Variants in ERN1 observed in about 807,000 individuals in gnomAD.
ERN1 encodes the protein endoplasmic reticulum to nucleus signaling 1.
In ERN1, 39 loss-of-function variants were observed where a neutral mutation model predicts 113.1. The observed-to-expected ratio is 0.34, with a 90% confidence interval of 0.27 to 0.45. ERN1 has a LOEUF of 0.45. Among genes scored for constraint, ERN1 ranks in the 20% least tolerant of loss-of-function variants. ERN1 has a pLI of 1.00. For missense variants in ERN1, 976 were observed against 1,274.8 expected, an observed-to-expected ratio of 0.77 and a Z score of 3.57; for synonymous variants, 507 against 515.9, an observed-to-expected ratio of 0.98 and a Z score of 0.23.
chr17:64,062,235 C>G (rs565219469), intron 10 of ERN1, among the ~76,000 whole-genome samples: 5 of 152,390 alleles, frequency 3.3e-5, no homozygotes, highest in African/African-American at 1.2e-4. Flanking sequence ...GCCGAAAGCA[C>G]CCAAGGTCAG....
In ERN1 at chr17:64,087,324, C is replaced by T. The variant is rs368654886; in HGVS notation, c.176-6516G>A. 2.0e-5 allele frequency among the ~76,000 whole-genome samples: 3 copies of T among 152,210 alleles called. No individual in the cohort carries two copies. The East Asian group carries it at 5.8e-4, about 29-fold the overall frequency. ...TGATCAAAACCAACACTTGCAAATC[C>T]TCCGCATGGCATCTGAGGATGTTCT... On this transcript the variant is annotated intron_variant, in intron 2 of 21. Transcript: ENST00000433197.
chr17:64,053,369 A>G lies in ERN1; in HGVS notation c.1956T>C (p.Tyr652=), dbSNP rs775854687. The G allele has an allele frequency of 1.2e-6, 2 of 1,602,556 alleles. No homozygotes were observed. Among genetic ancestry groups the G allele is most frequent in the South Asian group, 1.1e-5 (1 of 89,834 alleles). Residue 652 remains tyrosine (Y), a splice_region_variant and synonymous_variant, in exon 16 of 22, where the codon TAT becomes TAC. Coordinates refer to ENST00000433197, the MANE Select transcript of ERN1 (RefSeq NM_001433.5). Reference sequence around the variant, plus strand: ...GATGCGCAAAGTCCTTCTGCTCCACATACTGCAAAAGACATGACAGCAAGG... The same window carrying G: ...GATGCGCAAAGTCCTTCTGCTCCACGTACTGCAAAAGACATGACAGCAAGG... ...IELCAATLQE[Y]VEQKDFAHLG... is the part of the protein sequence containing the mutation.
chr17:64,057,522 C>A (rs1912911093), intron 12 of ERN1, among the ~76,000 whole-genome samples: 1 of 152,184 alleles, frequency 6.6e-6, no homozygotes, highest in Non-Finnish European at 1.5e-5. Flanking sequence ...GCCCCTGCCA[C>A]CATGCCCGGC....
At chr17:64,107,674 A>G (rs1321812009) in intron 1 of ERN1, among the ~76,000 whole-genome samples, 3 of 152,154 alleles carry the variant, frequency 2.0e-5, no homozygotes, top group African/African-American at 7.2e-5. Flanking sequence ...TCATTTACAC[A>G]TACTGCAGCA....
chr17:64,081,303 G>T (rs772217918), intron 2 of ERN1, among the ~76,000 whole-genome samples: 18 of 152,114 alleles, frequency 1.2e-4, no homozygotes, highest in Non-Finnish European at 1.8e-4. Context: ...TCTTTGGAGC[G>T]GCAATTCTAG....
At chr17:64,073,544 T>G (rs1913495471) in intron 5 of ERN1, among the ~76,000 whole-genome samples, 2 of 151,680 alleles carry the variant, frequency 1.3e-5, no homozygotes, top group Non-Finnish European at 2.9e-5. Context: ...CAGGCTGGAG[T>G]GCAGTGGTGC....
At position 64,066,670 on chromosome 17, in the gene ERN1, C is replaced by T. The variant is rs1374944834; in HGVS notation, c.842+1G>A. On this transcript the variant is annotated splice_donor_variant, in intron 8 of 21. Transcript: ENST00000433197. LOFTEE classifies it high-confidence loss of function. ...TCTCCTTCCCCGAGCTCCCAACTCACGTCAGCTTGCTCTTGGCCTCTGTCT... is the reference window on the plus strand; with the variant it reads ...TCTCCTTCCCCGAGCTCCCAACTCATGTCAGCTTGCTCTTGGCCTCTGTCT... 8.1e-6 allele frequency: 13 copies of T among 1,613,674 alleles called. No homozygotes were observed. Among genetic ancestry groups the T allele is most frequent in the Admixed American group, 3.3e-5 (2 of 60,018 alleles).
intron 1 of ERN1, among the ~76,000 whole-genome samples, chr17:64,125,384 C>G (rs973919457): frequency 6.6e-6 from 1 of 152,176 alleles, no homozygotes; most frequent in African/African-American, 2.4e-5. Context: ...ATGGCCACAG[C>G]AAGATGACTG....
At chr17:64,117,249 C>A (rs192642885) in intron 1 of ERN1, among the ~76,000 whole-genome samples, 1 of 152,060 alleles carries the variant, frequency 6.6e-6, no homozygotes, top group Non-Finnish European at 1.5e-5. Flanking sequence ...TTGAGACTCA[C>A]CTGGGCAACA....
rs565472128 is a variant in ERN1, at chr17:64,103,134, A to G, written c.55-4893T>C. On this transcript the variant is annotated intron_variant, in intron 1 of 21. Coordinates refer to ENST00000433197, the MANE Select transcript of ERN1 (RefSeq NM_001433.5). ...CAGCCCTACTCAGCTGGACTGCAGC[A>G]AGTCTCCCTCCTATGAAAGCCAACA... Among the ~76,000 whole-genome samples the G allele has an allele frequency of 6.6e-5, 10 of 152,240 alleles. No individual in the cohort carries two copies. In the South Asian group the frequency reaches 2.1e-3, roughly 32 times the overall value.
chr17:64,043,835 C>A lies in ERN1; in HGVS notation c.*153G>T. 1 of 597,824 alleles carries A rather than the reference C, an allele frequency of 1.7e-6. No individual in the cohort carries two copies. The allele number at this position is 597,824 out of a possible 1,614,324, so 37.0% of individuals were successfully genotyped here. On this transcript the variant is annotated 3_prime_UTR_variant, in exon 22 of 22. Transcript: ENST00000433197. ...CACTTCTCCCACTTCCTGGGGTCAG[C>A]ACTGTCCTCTGTGGGCTGCAGAGCA...
In ERN1 at chr17:64,056,644, G is replaced by C. The variant is rs59064957; in HGVS notation, c.1399-696C>G. Among the ~76,000 whole-genome samples the C allele has an allele frequency of 1.4e-3, 219 of 152,292 alleles. 1 individual carries two copies. The highest frequency in any genetic ancestry group is 5.1e-3 in the African/African-American group (214 of 41,560). Reference sequence around the variant, plus strand: ...GATCTGTGATCATCCCTACCCATGTGCAGGAGGTGGACTGAAGGGACTTCT... The same window carrying C: ...GATCTGTGATCATCCCTACCCATGTCCAGGAGGTGGACTGAAGGGACTTCT... On this transcript the variant is annotated intron_variant, in intron 12 of 21. Coordinates refer to ENST00000433197, the MANE Select transcript of ERN1 (RefSeq NM_001433.5).
rs570039039 is a variant in ERN1 at position 64,099,786 on chromosome 17, A to G, written c.55-1545T>C. ...CAGGACAAATACTCTGGGGTCCCGT[A>G]TTCCTTTTCTGTGGTGGAGACCCAC... On this transcript the variant is annotated intron_variant, in intron 1 of 21. Coordinates refer to ENST00000433197, the MANE Select transcript of ERN1 (RefSeq NM_001433.5). Among the ~76,000 whole-genome samples, 7 of 152,260 alleles carry G rather than the reference A, an allele frequency of 4.6e-5. No homozygotes were observed. In the South Asian group the frequency reaches 1.5e-3, roughly 32 times the overall value.
In ERN1 at chr17:64,044,888, C is replaced by A; in HGVS notation, c.2693G>T (p.Arg898Ile). The change falls in exon 21 of 22, where the codon AGA (arginine) becomes ATA (isoleucine). Residue 898 changes from arginine to isoleucine, a missense_variant. Arg to Ile is a moderately conservative substitution (Grantham distance 97). This residue lies in a region of ERN1 where 297 missense variants were observed against 457.8 expected (regional missense o/e 0.65). Transcript: ENST00000433197. The surrounding 1 kb of genome is among the most constrained non-coding windows in gnomAD (Gnocchi z 4.1). ...ATTTCTCATGGCTCGGAGGAGATCT[C>A]TGACAGAACCACCTTTATAGGTCCT... ...KFRTYKGGSV[R>I]DLLRAMRNKK... 6.3e-7 allele frequency: 1 copy of A among 1,592,154 alleles called. No homozygotes were observed. The highest frequency in any genetic ancestry group is 8.6e-7 in the Non-Finnish European group (1 of 1,168,718).
At chr17:64,068,096 A>G in intron 7 of ERN1, 94 bp downstream of exon 7, 2 of 819,528 alleles carry the variant, frequency 2.4e-6, no homozygotes, top group South Asian at 3.2e-5. Context: ...GACAAAGAGT[A>G]TCTTAAAAGA....
intron 1 of ERN1, among the ~76,000 whole-genome samples, chr17:64,128,416 G>T (rs1915139993): frequency 6.6e-6 from 1 of 152,062 alleles, no homozygotes; most frequent in Admixed American, 6.6e-5. Flanking sequence ...ATACAAATTG[G>T]AAATATTTAC....
Position 64,066,730 on chromosome 17 carries a change from C to T in ERN1, c.783G>A (p.Gly261=), listed in dbSNP as rs1446183679. ...RYLTFMSGEV[G]RITKWKYPFP... is the part of the protein sequence containing the mutation. ...ACGGGTACTTCCACTTTGTGATGCG[C>T]CCCACCTCCCCAGACATGAAGGTCA... Residue 261 remains glycine, a synonymous_variant, in exon 8 of 22, where the codon GGG becomes GGA. Transcript: ENST00000433197. 3.7e-6 allele frequency: 6 copies of T among 1,613,788 alleles called. No individual in the cohort carries two copies. The highest frequency in any genetic ancestry group is 5.1e-6 in the Non-Finnish European group (6 of 1,179,874).
chr17:64,077,300 C>A (rs1913622504), intron 4 of ERN1, among the ~76,000 whole-genome samples: 1 of 152,202 alleles, frequency 6.6e-6, no homozygotes, highest in African/African-American at 2.4e-5. Context: ...AAACTTCCTA[C>A]TGATGCATAA....
chr17:64,079,197 C>T (rs987446529), intron 4 of ERN1, among the ~76,000 whole-genome samples: 2 of 151,990 alleles, frequency 1.3e-5, no homozygotes, highest in South Asian at 2.1e-4. Context: ...GCTGTTTTTT[C>T]GAATTCCAGG....
Sources: allele counts gnomAD v4.1 joint callset (sites outside exome capture counted in the v4.1 genomes callset), GRCh38; gene constraint gnomAD v4.1.1; regional missense constraint gnomAD v4.1.1; non-coding constraint Gnocchi (gnomAD v3.1); transcripts MANE v1.5; gene names NCBI Gene and HGNC (gene_info 2026-07-23, HGNC 2026-07-21).